GCNT1: variants seen among roughly 807,000 people sequenced by gnomAD.
The protein encoded by GCNT1 is beta-1,3-galactosyl-O-glycosyl-glycoprotein beta-1,6-N-acetylglucosaminyltransferase.
Under a neutral mutation model 26.2 loss-of-function variants are expected in GCNT1, and 16 were observed. That is an observed-to-expected ratio of 0.61 (90% CI 0.41 to 0.93). The LOEUF is 0.93. GCNT1 is among the 40% of genes least tolerant of loss of function. The probability of loss-of-function intolerance (pLI) is 0.00; values close to 1 mark genes in which losing one functional copy is unlikely to be tolerated. For missense variants in GCNT1, 477 were observed against 526.7 expected, an observed-to-expected ratio of 0.91 and a Z score of 0.92; for synonymous variants, 183 against 190.8, an observed-to-expected ratio of 0.96 and a Z score of 0.34.
the GCNT1 span, among the ~76,000 whole-genome samples, chr9:76,394,788 C>T: frequency 2.0e-5 from 3 of 152,196 alleles, no homozygotes. Context: ...CAAAGTGAGA[C>T]GCTCTTTAGC....
chr9:76,405,307 A>ACACT, the GCNT1 span, among the ~76,000 whole-genome samples: 1 of 151,760 alleles, frequency 6.6e-6, no homozygotes, highest in African/African-American at 2.4e-5. Flanking sequence ...ACACACACAC[A>ACACT]CACACACACA....
chr9:76,464,422 G>T (rs1823950121), intron 2 of GCNT1, among the ~76,000 whole-genome samples: 1 of 152,110 alleles, frequency 6.6e-6, no homozygotes, highest in Non-Finnish European at 1.5e-5. Flanking sequence ...TTGCCATGTT[G>T]CCCAGGCTGG....
intron 2 of GCNT1, among the ~76,000 whole-genome samples, chr9:76,461,819 G>T (rs1329707352): frequency 6.6e-6 from 1 of 152,194 alleles, no homozygotes; most frequent in Non-Finnish European, 1.5e-5. Context: ...AACCCGGGAG[G>T]CGGAGGTTAG....
chr9:76,450,148 G>A (rs1823641816), intron 1 of GCNT1, among the ~76,000 whole-genome samples: 2 of 152,228 alleles, frequency 1.3e-5, no homozygotes, highest in Non-Finnish European at 2.9e-5. Flanking sequence ...AATTTAATTG[G>A]TTCCCGCCAT....
At chr9:76,432,386 A>G (rs1027320194) in intron 1 of GCNT1, among the ~76,000 whole-genome samples, 4 of 152,178 alleles carry the variant, frequency 2.6e-5, no homozygotes, top group African/African-American at 9.7e-5. Context: ...TCTGTTGCCC[A>G]GGCTCAAATG....
At chr9:76,485,480 C>G (rs72747357) in intron 2 of GCNT1, among the ~76,000 whole-genome samples, 1 of 151,972 alleles carries the variant, frequency 6.6e-6, no homozygotes, top group Admixed American at 6.6e-5. Context: ...CTGGCCTGCA[C>G]CTGGCCTGCA....
chr9:76,472,282 CAAA>C (rs1356407452), intron 2 of GCNT1, among the ~76,000 whole-genome samples: 1 of 151,632 alleles, frequency 6.6e-6, no homozygotes, highest in East Asian at 1.9e-4. Flanking sequence ...GACTTTGTCT[CAAA>C]GAAAAAAAGG....
chr9:76,491,009 A>G (rs1434490736), intron 2 of GCNT1, among the ~76,000 whole-genome samples: 3 of 152,270 alleles, frequency 2.0e-5, no homozygotes, highest in Admixed American at 2.0e-4. Context: ...GTTACAGGGA[A>G]GACCTTCAAT....
At chr9:76,448,966 T>C (rs1823620588) in intron 1 of GCNT1, among the ~76,000 whole-genome samples, 1 of 152,218 alleles carries the variant, frequency 6.6e-6, no homozygotes, top group South Asian at 2.1e-4. Context: ...TTACTATTAT[T>C]TGTTCATTTA....
chr9:76,394,630 A>T, the GCNT1 span: 1 of 154,768 alleles, frequency 6.5e-6, no homozygotes, highest in African/African-American at 2.4e-5. Context: ...CCAGGCGCCT[A>T]ATGTCTGGAT....
chr9:76,505,870 T>C lies in GCNT1; in HGVS notation c.*2202T>C, dbSNP rs1290967555. ...CATCATAAATGTAAACATAGGATTT[T>C]AGAGTCTATTTCCCCAAGCGCCACA... On this transcript the variant is annotated 3_prime_UTR_variant, in exon 4 of 4. Transcript: ENST00000376730. 1 of 165,944 alleles carries C rather than the reference T, an allele frequency of 6.0e-6. No homozygotes were observed. Among genetic ancestry groups the C allele is most frequent in the Non-Finnish European group, 1.5e-5 (1 of 68,136 alleles). 10.3% of individuals were successfully genotyped at this position (165,944 alleles called of 1,614,324 possible).
intron 1 of GCNT1, among the ~76,000 whole-genome samples, chr9:76,428,841 C>T (rs1312687089): frequency 6.6e-6 from 1 of 151,764 alleles, no homozygotes; most frequent in Non-Finnish European, 1.5e-5. Context: ...GCTGGGATTA[C>T]AGGCATGCAC....
upstream of GCNT1, among the ~76,000 whole-genome samples, chr9:76,417,698 A>G (rs1823145056): frequency 4.6e-5 from 7 of 152,172 alleles, no homozygotes; most frequent in Admixed American, 3.3e-4. Flanking sequence ...AGTTTGGATA[A>G]TGTTTATTTC....
At chr9:76,413,205 G>A in the GCNT1 span, among the ~76,000 whole-genome samples, 2 of 152,200 alleles carry the variant, frequency 1.3e-5, no homozygotes, top group Admixed American at 6.5e-5. Flanking sequence ...CCTGGCCAGG[G>A]CTTTTCTGAA....
chr9:76,454,932 C>T (rs1470340984), upstream of GCNT1, among the ~76,000 whole-genome samples: 1 of 149,416 alleles, frequency 6.7e-6, no homozygotes, highest in African/African-American at 2.5e-5. Flanking sequence ...ACTGCAACCT[C>T]CGCCTCCCGG....
chr9:76,426,826 G>T (rs1301272037), intron 1 of GCNT1, among the ~76,000 whole-genome samples: 1 of 152,074 alleles, frequency 6.6e-6, no homozygotes, highest in Non-Finnish European at 1.5e-5. Flanking sequence ...CAAGAGAATC[G>T]CTTGAACCTG....
intron 1 of GCNT1, among the ~76,000 whole-genome samples, chr9:76,450,097 T>C (rs945730057): frequency 4.6e-5 from 7 of 152,184 alleles, no homozygotes; most frequent in Non-Finnish European, 1.0e-4. Flanking sequence ...TTATAAATTA[T>C]ATGTAACTGA....
chr9:76,411,743 C>G, the GCNT1 span, among the ~76,000 whole-genome samples: 2 of 133,332 alleles, frequency 1.5e-5, no homozygotes, highest in African/African-American at 5.9e-5. Flanking sequence ...GCTCTGTGGC[C>G]CAGGCTGGAG....
chr9:76,455,762 C>T (rs1446062441), upstream of GCNT1, among the ~76,000 whole-genome samples: 2 of 152,000 alleles, frequency 1.3e-5, no homozygotes, highest in African/African-American at 4.8e-5. Flanking sequence ...CCACCGCACC[C>T]AGCTAATTTT....
Sources: gnomAD v4.1 joint callset for allele counts (sites outside exome capture counted in the v4.1 genomes callset) on GRCh38, gnomAD v4.1.1 for gene constraint, MANE v1.5 for transcripts, NCBI Gene and HGNC (gene_info 2026-07-23, HGNC 2026-07-21) for gene names.